Variants in DNAH9 observed in about 807,000 individuals in gnomAD.
The protein encoded by DNAH9 is dynein axonemal heavy chain 9.
In DNAH9, 345 loss-of-function variants were observed where a neutral mutation model predicts 471.6. The observed-to-expected ratio is 0.73, with a 90% CI of 0.67 to 0.80. The LOEUF is 0.80. Among genes scored for constraint, DNAH9 ranks in the 30% least tolerant of loss-of-function variants. DNAH9 has a pLI of 0.00. For synonymous variants in DNAH9, 2,093 were observed against 2,123.6 expected (o/e 0.99, Z 0.40); for missense variants, 5,407 against 5,609.2 (o/e 0.96, Z 1.15).
At chr17:11,661,046 G>T (rs1195256671) in intron 14 of DNAH9, among the ~76,000 whole-genome samples, 1 of 148,464 alleles carries the variant, frequency 6.7e-6, no homozygotes, top group Non-Finnish European at 1.5e-5. Context: ...TGTGTTTGAA[G>T]TTCTGTTAAG....
At chr17:11,661,232 A>G (rs1490664589) in intron 14 of DNAH9, among the ~76,000 whole-genome samples, 1 of 151,662 alleles carries the variant, frequency 6.6e-6, no homozygotes, top group African/African-American at 2.4e-5. Flanking sequence ...ATAATAATAT[A>G]GCCTTTCCTA....
chr17:11,756,434 G>A, intron 33 of DNAH9, 134 bp from the exon 34 acceptor site: 1 of 660,026 alleles, frequency 1.5e-6, no homozygotes, highest in Non-Finnish European at 2.7e-6. Flanking sequence ...TTTGGGTGGG[G>A]ACACAGCCAA....
chr17:11,916,607 A>G (rs373344568), intron 61 of DNAH9, among the ~76,000 whole-genome samples: 2 of 152,238 alleles, frequency 1.3e-5, no homozygotes, highest in South Asian at 4.1e-4. Flanking sequence ...CAGTTTATTA[A>G]GTAAACTTAC....
At chr17:11,815,179 T>C (rs2150933165) in intron 45 of DNAH9, among the ~76,000 whole-genome samples, 1 of 136,250 alleles carries the variant, frequency 7.3e-6, no homozygotes, top group East Asian at 2.2e-4. Context: ...ACTTTTCTTT[T>C]CCTTTTGTGG....
intron 61 of DNAH9, among the ~76,000 whole-genome samples, chr17:11,914,403 C>G (rs1432601150): frequency 6.6e-6 from 1 of 152,140 alleles, no homozygotes; most frequent in Non-Finnish European, 1.5e-5. Flanking sequence ...GTATTTCAGC[C>G]TTCTAGGAAG....
intron 17 of DNAH9, 62 bp from the exon 18 acceptor site, chr17:11,679,695 T>G: frequency 8.4e-7 from 1 of 1,194,134 alleles, no homozygotes; most frequent in South Asian, 1.2e-5. Context: ...GGGAAATCAA[T>G]ACATCTGCCT....
intron 27 of DNAH9, among the ~76,000 whole-genome samples, chr17:11,724,150 G>T (rs12600701): frequency 0.6 from 90,902 of 151,842 alleles, 28,829 homozygotes; most frequent in Admixed American, 0.75. Flanking sequence ...GGGTAATTAG[G>T]ATAACCATCA....
intron 15 of DNAH9, among the ~76,000 whole-genome samples, chr17:11,667,861 C>A (rs2073900255): frequency 6.6e-6 from 1 of 152,326 alleles, no homozygotes; most frequent in Admixed American, 6.5e-5. Context: ...CGTTGCCACA[C>A]CTGTCTGCAA....
Position 11,874,957 on chromosome 17 carries a change from T to G in DNAH9, c.10251T>G (p.Ile3417Met), listed in dbSNP as rs1040789685. 6 of 1,613,522 alleles carry G rather than the reference T, an allele frequency of 3.7e-6. No homozygotes were observed. In the Admixed American group the frequency reaches 8.3e-5, roughly 22 times the overall value. ...RPYLSQLKTP[I>M]PVTPALDPLR... Reference sequence around the variant, plus strand: ...TGTTTCTTCTTCACCAGACTCCCATTCCAGTCACCCCAGCCCTGGATCCCC... The same window carrying G: ...TGTTTCTTCTTCACCAGACTCCCATGCCAGTCACCCCAGCCCTGGATCCCC... The change falls in exon 53 of 69, where the codon ATT becomes ATG. Residue 3417 changes from isoleucine (I) to methionine (M), a missense_variant. Ile to Met is a conservative substitution (Grantham distance 10). This residue lies in a region of DNAH9 where 4,636 missense variants were observed against 4,900.3 expected (regional missense o/e 0.95). Transcript: ENST00000262442.
chr17:11,727,857 GC>G lies in DNAH9; in HGVS notation c.5751del (p.Trp1918GlyfsTer22), dbSNP rs747834137. Reference protein sequence around the residue: ...NIYKGLAQTGAWGCFDEFNRI... With the variant: ...NIYKGLAQTGXWGCFDEFNRI... ...CTACAAAGGCCTTGCTCAGACTGGTGCCTGGGGCTGCTTTGATGAGTTTAAT... is the reference window on the plus strand; with the variant it reads ...CTACAAAGGCCTTGCTCAGACTGGTGCTGGGGCTGCTTTGATGAGTTTAAT... On this transcript the variant is annotated frameshift_variant, in exon 28 of 69. Coordinates refer to ENST00000262442, the MANE Select transcript of DNAH9 (RefSeq NM_001372.4). LOFTEE classifies it high-confidence loss of function. The G allele has an allele frequency of 6.2e-7, 1 of 1,614,118 alleles. No homozygotes were observed. The highest frequency in any genetic ancestry group is 1.7e-5 in the Admixed American group (1 of 60,020).
chr17:11,749,198 C>T (rs1274983855), intron 32 of DNAH9, among the ~76,000 whole-genome samples: 1 of 151,130 alleles, frequency 6.6e-6, no homozygotes, highest in Non-Finnish European at 1.5e-5. Flanking sequence ...CATTCTTCTG[C>T]CTCAGCCTCC....
chr17:11,620,068 A>C, intron 6 of DNAH9: 2 of 394,576 alleles, frequency 5.1e-6, no homozygotes, highest in Non-Finnish European at 9.4e-6. Context: ...ACAACAACAA[A>C]ATAGCCAGGT....
rs574662205 is a variant in DNAH9 at position 11,836,641 on chromosome 17, C to T, written c.9507+1743C>T. Among the ~76,000 whole-genome samples, 5 of 152,296 alleles carry T rather than the reference C, an allele frequency of 3.3e-5. No individual in the cohort carries two copies. In the South Asian group the frequency reaches 1.0e-3, roughly 32 times the overall value. ...GCTCACCTGTAGGCCTTTAATTAGACTGTACCCACCCCCTTCCTCATTTAG... is the reference window on the plus strand; with the variant it reads ...GCTCACCTGTAGGCCTTTAATTAGATTGTACCCACCCCCTTCCTCATTTAG... On this transcript the variant is annotated intron_variant, in intron 49 of 68. Coordinates refer to ENST00000262442, the MANE Select transcript of DNAH9 (RefSeq NM_001372.4).
chr17:11,628,592 A>C (rs1417540189), intron 6 of DNAH9, among the ~76,000 whole-genome samples: 4 of 152,276 alleles, frequency 2.6e-5, no homozygotes, highest in Admixed American at 6.5e-5. Flanking sequence ...GCCCTGCAGG[A>C]GATGTGTTTG....
intron 38 of DNAH9, 123 bp from the exon 39 acceptor site, chr17:11,780,886 T>C: frequency 1.0e-6 from 1 of 987,292 alleles, no homozygotes; most frequent in East Asian, 2.6e-5. Context: ...TTGTTGTCTT[T>C]CGCGTTGCTG....
chr17:11,741,900 CT>C lies in DNAH9; in HGVS notation c.5973-274del, dbSNP rs535764497. Reference sequence around the variant, plus strand: ...TTGAGTGGTAGCTCCAAGTCTGCCCCTGCCTGCTAACATTATCCAGCCCCTT... The same window carrying C: ...TTGAGTGGTAGCTCCAAGTCTGCCCCGCCTGCTAACATTATCCAGCCCCTT... On this transcript the variant is annotated intron_variant, in intron 29 of 68. Coordinates refer to ENST00000262442, the MANE Select transcript of DNAH9 (RefSeq NM_001372.4). Among the ~76,000 whole-genome samples, 552 of 152,328 alleles carry C rather than the reference CT, an allele frequency of 3.6e-3. 5 individuals carry two copies. Among genetic ancestry groups the C allele is most frequent in the African/African-American group, 0.013 (527 of 41,576 alleles).
chr17:11,834,407 A>G (rs2081030343), intron 48 of DNAH9, among the ~76,000 whole-genome samples: 1 of 152,036 alleles, frequency 6.6e-6, no homozygotes, highest in South Asian at 2.1e-4. Context: ...ATATTCCAGC[A>G]CATTTACTAT....
At chr17:11,929,024 C>CTTTTTT (rs71142254) in intron 62 of DNAH9, among the ~76,000 whole-genome samples, 85 of 102,926 alleles carry the variant, frequency 8.3e-4, no homozygotes, top group African/African-American at 1.4e-3. Context: ...GTGTTACAGC[C>CTTTTTT]TTTTTTTTTT....
chr17:11,799,216 C>G (rs1200068906), intron 43 of DNAH9, among the ~76,000 whole-genome samples: 1 of 152,132 alleles, frequency 6.6e-6, no homozygotes, highest in Non-Finnish European at 1.5e-5. Context: ...ACTTTCTGAC[C>G]TGTACCTGCC....
Sources: gnomAD v4.1 joint callset for allele counts (sites outside exome capture counted in the v4.1 genomes callset) on GRCh38, gnomAD v4.1.1 for gene constraint, gnomAD v4.1.1 regional missense constraint, MANE v1.5 for transcripts, NCBI Gene and HGNC (gene_info 2026-07-23, HGNC 2026-07-21) for gene names.